Variants in COTL1 observed in about 807,000 individuals in gnomAD.
COTL1 encodes coactosin-like protein.
A neutral mutation model predicts 16.5 loss-of-function variants in COTL1; 15 were observed. The observed-to-expected ratio is 0.91, with a 90% CI of 0.61 to 1.40. The LOEUF (loss-of-function observed/expected upper bound fraction) is 1.40, where lower values mean the gene tolerates loss of function less well. Among genes scored for constraint, COTL1 ranks in the 40% most tolerant of loss-of-function variants. The pLI is 0.00. For missense variants in COTL1, 220 were observed against 201.5 expected (o/e 1.09, Z -0.56); for synonymous variants, 112 against 85.3 (o/e 1.31, Z -1.73).
chr16:84,605,019 G>A (rs536456897), intron 2 of COTL1, among the ~76,000 whole-genome samples: 8 of 152,202 alleles, frequency 5.3e-5, no homozygotes, highest in East Asian at 2.0e-4. Context: ...GGGAACACTC[G>A]GGTTCAGGAA....
chr16:84,583,624 AT>A lies in COTL1; in HGVS notation c.318+6480del, dbSNP rs542270976. Among the ~76,000 whole-genome samples the A allele has an allele frequency of 4.0e-4, 60 of 151,132 alleles. No homozygotes were observed. In the East Asian group the frequency reaches 6.4e-3, roughly 16 times the overall value. Reference sequence around the variant, plus strand: ...GGCATGCGACACCATGCCCCAGCTAATTTTTTTTTGTTTTTAGTAGAGACGA... The same window carrying A: ...GGCATGCGACACCATGCCCCAGCTAATTTTTTTTGTTTTTAGTAGAGACGA... On this transcript the variant is annotated intron_variant, in intron 3 of 3. Transcript: ENST00000262428.
intron 2 of COTL1, among the ~76,000 whole-genome samples, chr16:84,612,446 G>C (rs774546534): frequency 6.6e-6 from 1 of 152,150 alleles, no homozygotes; most frequent in Non-Finnish European, 1.5e-5. Flanking sequence ...GAAAGCTTCC[G>C]AGTGGAAAGC....
chr16:84,591,275 T>C (rs1469748590), intron 2 of COTL1, among the ~76,000 whole-genome samples: 3 of 151,260 alleles, frequency 2.0e-5, no homozygotes, highest in Non-Finnish European at 2.9e-5. Flanking sequence ...GCTTGGCCTC[T>C]AGGGTTCACA....
At chr16:84,571,754 G>C (rs990262455) in intron 3 of COTL1, among the ~76,000 whole-genome samples, 2 of 152,256 alleles carry the variant, frequency 1.3e-5, no homozygotes, top group African/African-American at 4.8e-5. Flanking sequence ...GTGAGACGGT[G>C]AGACGGGCCT....
At chr16:84,609,557 G>C (rs556343851) in intron 2 of COTL1, among the ~76,000 whole-genome samples, 2 of 152,286 alleles carry the variant, frequency 1.3e-5, no homozygotes, top group South Asian at 4.1e-4. Flanking sequence ...TTCTCCTCTG[G>C]TAGCCCGTTC....
rs570599507 is a variant in COTL1 at position 84,577,864 on chromosome 16, T to C, written c.319-10909A>G. Among the ~76,000 whole-genome samples, 63 of 152,302 alleles carry C rather than the reference T, an allele frequency of 4.1e-4. 2 individuals carry two copies. In the South Asian group the frequency reaches 0.012, roughly 29 times the overall value. On this transcript the variant is annotated intron_variant, in intron 3 of 3. Transcript: ENST00000262428. Reference sequence around the variant, plus strand: ...AAATAGAGGCGGCTGTTCCTATGCCTGGATCTGTGACCCCGACAGGGCCCC... The same window carrying C: ...AAATAGAGGCGGCTGTTCCTATGCCCGGATCTGTGACCCCGACAGGGCCCC...
At chr16:84,591,948 C>T (rs533951159) in intron 2 of COTL1, among the ~76,000 whole-genome samples, 5 of 152,204 alleles carry the variant, frequency 3.3e-5, no homozygotes, top group East Asian at 3.9e-4. Context: ...CATGTGTACC[C>T]CACTAGGATA....
chr16:84,596,321 A>G (rs937623868), intron 2 of COTL1: 3 of 152,312 alleles, frequency 2.0e-5, no homozygotes, highest in Non-Finnish European at 4.4e-5. Context: ...TTACCCCCAC[A>G]TGTACTAGCC....
chr16:84,606,301 C>T (rs548670917), intron 2 of COTL1, among the ~76,000 whole-genome samples: 1 of 152,328 alleles, frequency 6.6e-6, no homozygotes, highest in South Asian at 2.1e-4. Flanking sequence ...CCTTGTGGGC[C>T]ACTGGGCTGT....
rs765802540 is a variant in COTL1, at chr16:84,590,289, T to C, written c.161-27A>G. On this transcript the variant is annotated intron_variant, in intron 2 of 3. Coordinates refer to ENST00000262428, the MANE Select transcript of COTL1 (RefSeq NM_021149.5). This position sits in a 1 kb window ranked among gnomAD's most constrained non-coding sequence, Gnocchi z 5.5. Reference sequence around the variant, plus strand: ...TGTGGCCAAAAGCGAAAAGAGAACATGGTGCTGCGTTAAAACACCCCCATG... The same window carrying C: ...TGTGGCCAAAAGCGAAAAGAGAACACGGTGCTGCGTTAAAACACCCCCATG... 6.2e-7 allele frequency: 1 copy of C among 1,608,926 alleles called. No individual in the cohort carries two copies. Among genetic ancestry groups the C allele is most frequent in the Non-Finnish European group, 8.5e-7 (1 of 1,176,082 alleles).
chr16:84,582,725 C>T (rs1904627230), intron 3 of COTL1, among the ~76,000 whole-genome samples: 1 of 152,194 alleles, frequency 6.6e-6, no homozygotes, highest in African/African-American at 2.4e-5. Context: ...GCCCTTTTCA[C>T]ACCTACTGCT....
At chr16:84,608,958 C>T (rs888065071) in intron 2 of COTL1, among the ~76,000 whole-genome samples, 4 of 152,060 alleles carry the variant, frequency 2.6e-5, no homozygotes, top group African/African-American at 9.7e-5. Flanking sequence ...AAGTAGGAAC[C>T]CAATAAAATG....
At chr16:84,586,256 C>G (rs1275237423) in intron 3 of COTL1, among the ~76,000 whole-genome samples, 1 of 152,194 alleles carries the variant, frequency 6.6e-6, no homozygotes, top group Non-Finnish European at 1.5e-5. Flanking sequence ...CCCTGCACTT[C>G]CCACTACCAA....
intron 3 of COTL1, among the ~76,000 whole-genome samples, chr16:84,583,834 C>T (rs1874393693): frequency 6.6e-6 from 1 of 152,134 alleles, no homozygotes; most frequent in Non-Finnish European, 1.5e-5. Flanking sequence ...GTCCATCCTT[C>T]CCACCTCCAC....
Position 84,565,792 on chromosome 16 carries a change from T to C in COTL1, c.*1053A>G, listed in dbSNP as rs941709632. On this transcript the variant is annotated 3_prime_UTR_variant, in exon 4 of 4. Coordinates refer to ENST00000262428, the MANE Select transcript of COTL1 (RefSeq NM_021149.5). Reference sequence around the variant, plus strand: ...CTTTAAAAACAAAACAAAACGATCCTTTTGAATGTGTGGTGCAGACGCAGG... The same window carrying C: ...CTTTAAAAACAAAACAAAACGATCCCTTTGAATGTGTGGTGCAGACGCAGG... 6.6e-6 allele frequency: 1 copy of C among 152,322 alleles called. No individual in the cohort carries two copies. 9.4% of individuals were successfully genotyped at this position (152,322 alleles called of 1,614,324 possible). A position where few individuals can be genotyped will look rare whatever the true frequency, so the allele number is the denominator to read the frequency against.
In COTL1 at chr16:84,566,604, A is replaced by G; in HGVS notation, c.*241T>C. On this transcript the variant is annotated 3_prime_UTR_variant, in exon 4 of 4. Transcript: ENST00000262428. Reference sequence around the variant, plus strand: ...ATGACTTTTCTTTAGAACAAAAAAGAGGGGGAGAAAAGAAAAAGAAGATCA... The same window carrying G: ...ATGACTTTTCTTTAGAACAAAAAAGGGGGGGAGAAAAGAAAAAGAAGATCA... The G allele has an allele frequency of 2.1e-6, 1 of 473,862 alleles. No homozygotes were observed. Among genetic ancestry groups the G allele is most frequent in the African/African-American group, 2.0e-5 (1 of 51,032 alleles). 29.4% of individuals were successfully genotyped at this position (473,862 alleles called of 1,614,324 possible). A position where few individuals can be genotyped will look rare whatever the true frequency, so the allele number is the denominator to read the frequency against.
intron 2 of COTL1, among the ~76,000 whole-genome samples, chr16:84,592,972 C>G (rs2967859): frequency 1 from 151,775 of 152,374 alleles, 75,594 homozygotes; most frequent in Middle Eastern, 1. Flanking sequence ...CATTGGCACA[C>G]CACTTTTCAG....
chr16:84,574,045 G>T (rs1311046732), intron 3 of COTL1, among the ~76,000 whole-genome samples: 1 of 152,108 alleles, frequency 6.6e-6, no homozygotes, highest in African/African-American at 2.4e-5. Flanking sequence ...GTGTGCGCCT[G>T]TTGTCCCAGC....
chr16:84,593,460 C>T (rs1249768471), intron 2 of COTL1, among the ~76,000 whole-genome samples: 2 of 151,658 alleles, frequency 1.3e-5, no homozygotes, highest in Non-Finnish European at 2.9e-5. Context: ...CTGTAAAACA[C>T]GTTCTTTTCT....
Sources: allele counts gnomAD v4.1 joint callset (sites outside exome capture counted in the v4.1 genomes callset), GRCh38; gene constraint gnomAD v4.1.1; non-coding constraint Gnocchi (gnomAD v3.1); transcripts MANE v1.5; gene names NCBI Gene and HGNC (gene_info 2026-07-23, HGNC 2026-07-21).